Variants in COLEC11 observed in about 807,000 individuals in gnomAD.
The protein encoded by COLEC11 is collectin-11.
COLEC11 carries 20 observed loss-of-function variants against 27.3 expected under a neutral mutation model. That is an observed-to-expected ratio of 0.73 (90% CI 0.51 to 1.06). The LOEUF is 1.06. COLEC11 is among the 50% of genes least tolerant of loss of function. The pLI is 0.00. For synonymous variants in COLEC11, 163 were observed against 154.7 expected (o/e 1.05, Z -0.40); for missense variants, 310 against 383.0 (o/e 0.81, Z 1.59).
intron 3 of COLEC11, among the ~76,000 whole-genome samples, chr2:3,633,034 G>A (rs1212918324): frequency 1.3e-5 from 2 of 152,176 alleles, no homozygotes; most frequent in African/African-American, 4.8e-5. Flanking sequence ...CCACCTGGGA[G>A]CTGTTTCTCC....
Position 3,629,002 on chromosome 2 carries a change from C to T in COLEC11, c.203-8531C>T, listed in dbSNP as rs573768086. On this transcript the variant is annotated intron_variant, in intron 3 of 6. Coordinates refer to ENST00000349077, the MANE Select transcript of COLEC11 (RefSeq NM_024027.5). Reference sequence around the variant, plus strand: ...CAGGTGCTGCATTCCTGTTGTCGCACGCAGCCAGCGGGAGGGGGCGTTGCT... The same window carrying T: ...CAGGTGCTGCATTCCTGTTGTCGCATGCAGCCAGCGGGAGGGGGCGTTGCT... Among the ~76,000 whole-genome samples the T allele has an allele frequency of 5.9e-5, 9 of 152,240 alleles. No homozygotes were observed. The South Asian group carries it at 1.2e-3, about 21-fold the overall frequency.
In COLEC11 at chr2:3,623,657, TA is replaced by T. The variant is rs933437383; in HGVS notation, c.202+10284del. ...TAGAGTTTCTGTTTGGTTCTTTTTT[TA>T]AAAAAAAATCTCTATCTCTTCATTG... On this transcript the variant is annotated intron_variant, in intron 3 of 6. Transcript: ENST00000349077. Among the ~76,000 whole-genome samples, 304 of 151,944 alleles carry T rather than the reference TA, an allele frequency of 2.0e-3. 2 individuals carry two copies. The highest frequency in any genetic ancestry group is 4.8e-3 in the Admixed American group (74 of 15,262).
At chr2:3,606,161 C>T in intron 2 of COLEC11, 2 of 1,550,518 alleles carry the variant, frequency 1.3e-6, no homozygotes, top group Non-Finnish European at 1.7e-6. Context: ...GAGAGCTGGA[C>T]TTTTGGCTGT....
At chr2:3,637,755 C>G in intron 4 of COLEC11, 151 bp downstream of exon 4, 2 of 759,066 alleles carry the variant, frequency 2.6e-6, no homozygotes, top group Non-Finnish European at 4.7e-6. Flanking sequence ...GCAGTACTTC[C>G]ATTTTTGGGG....
chr2:3,627,016 T>C (rs1664604850), intron 3 of COLEC11, among the ~76,000 whole-genome samples: 1 of 152,158 alleles, frequency 6.6e-6, no homozygotes, highest in Non-Finnish European at 1.5e-5. Flanking sequence ...GCCCGTGGGC[T>C]TGCTAGCTGG....
intron 3 of COLEC11, 29 bp from the exon 4 acceptor site, chr2:3,637,504 A>G: frequency 1.2e-6 from 2 of 1,605,102 alleles, no homozygotes; most frequent in East Asian, 2.2e-5. Context: ...CTGTGCATCG[A>G]CCAACTTTGC....
At chr2:3,627,460 G>A (rs1664642184) in intron 3 of COLEC11, among the ~76,000 whole-genome samples, 1 of 150,806 alleles carries the variant, frequency 6.6e-6, no homozygotes. Context: ...AATGACACTG[G>A]GCATGATGAT....
At chr2:3,623,615 A>G (rs1158353268) in intron 3 of COLEC11, among the ~76,000 whole-genome samples, 3 of 151,412 alleles carry the variant, frequency 2.0e-5, no homozygotes, top group Non-Finnish European at 4.4e-5. Flanking sequence ...AATTTTATTC[A>G]TTCTGTTCTT....
At chr2:3,606,591 C>T (rs1254317709) in intron 2 of COLEC11, among the ~76,000 whole-genome samples, 1 of 152,176 alleles carries the variant, frequency 6.6e-6, no homozygotes, top group African/African-American at 2.4e-5. Context: ...GGGACCCAGC[C>T]CCTGCTCCTT....
chr2:3,632,919 G>A (rs1221972244), intron 3 of COLEC11, among the ~76,000 whole-genome samples: 1 of 152,182 alleles, frequency 6.6e-6, no homozygotes, highest in African/African-American at 2.4e-5. Context: ...GCTGAGGAGC[G>A]ACGTGTCAGA....
intron 2 of COLEC11, among the ~76,000 whole-genome samples, chr2:3,611,785 C>T (rs765849157): frequency 7.9e-5 from 12 of 152,000 alleles, no homozygotes; most frequent in South Asian, 4.2e-4. Context: ...AAGTCCCCTC[C>T]GTGAGGCCAG....
At chr2:3,637,505 C>T (rs1209247915) in intron 3 of COLEC11, 28 bp from the exon 4 acceptor site, 3 of 1,605,672 alleles carry the variant, frequency 1.9e-6, no homozygotes, top group South Asian at 1.1e-5. Context: ...TGTGCATCGA[C>T]CAACTTTGCT....
intron 5 of COLEC11, 57 bp downstream of exon 5, chr2:3,640,388 G>C (rs1665756549): frequency 1.0e-6 from 1 of 999,412 alleles, no homozygotes; most frequent in Non-Finnish European, 1.6e-6. Context: ...TTGCACTTTT[G>C]AAAACAATGT....
chr2:3,611,942 G>A (rs1663229189), intron 2 of COLEC11, among the ~76,000 whole-genome samples: 1 of 150,976 alleles, frequency 6.6e-6, no homozygotes, highest in South Asian at 2.1e-4. Flanking sequence ...GGTCCAGTAT[G>A]ATAAAATATA....
At chr2:3,641,579 A>G (rs1465206141) in intron 5 of COLEC11, 1 of 412,034 alleles carries the variant, frequency 2.4e-6, no homozygotes, top group Non-Finnish European at 4.0e-6. Context: ...GAAAGCCTCT[A>G]TTACCTCAAA....
intron 3 of COLEC11, among the ~76,000 whole-genome samples, chr2:3,623,573 A>C (rs995810384): frequency 6.6e-6 from 1 of 151,666 alleles, no homozygotes; most frequent in Non-Finnish European, 1.5e-5. Context: ...TGTTTGATCA[A>C]TTCTGCTCTT....
chr2:3,599,875 C>A (rs1436477738), intron 1 of COLEC11, among the ~76,000 whole-genome samples: 1 of 152,208 alleles, frequency 6.6e-6, no homozygotes. Flanking sequence ...AATCCATAAG[C>A]TACAACTACA....
At chr2:3,603,746 C>T in intron 1 of COLEC11, 1 of 1,377,602 alleles carries the variant, frequency 7.3e-7, no homozygotes, top group Non-Finnish European at 1.0e-6. Flanking sequence ...CTCCCCAGGC[C>T]CCTGGGTTCC....
At chr2:3,621,393 C>A (rs1664177112) in intron 3 of COLEC11, among the ~76,000 whole-genome samples, 1 of 152,130 alleles carries the variant, frequency 6.6e-6, no homozygotes, top group African/African-American at 2.4e-5. Context: ...TTTTCCATCC[C>A]TTCATTTTTA....
Sources: gnomAD v4.1 joint callset for allele counts (sites outside exome capture counted in the v4.1 genomes callset) on GRCh38, gnomAD v4.1.1 for gene constraint, MANE v1.5 for transcripts, NCBI Gene and HGNC (gene_info 2026-07-23, HGNC 2026-07-21) for gene names.